Variants in PTPRD observed in about 807,000 individuals in gnomAD.
PTPRD encodes the protein protein tyrosine phosphatase receptor type D, also known as receptor-type tyrosine-protein phosphatase delta.
A neutral mutation model predicts 214.5 loss-of-function variants in PTPRD; 34 were observed. The ratio of observed to expected loss-of-function variants is 0.16; its 90% CI spans 0.12 to 0.21. The LOEUF (loss-of-function observed/expected upper bound fraction) is 0.21, where lower values mean the gene tolerates loss of function less well. Among genes scored for constraint, PTPRD ranks in the 10% least tolerant of loss-of-function variants. PTPRD has a pLI of 1.00. For synonymous variants in PTPRD, 1,128 were observed against 845.7 expected, an observed-to-expected ratio of 1.33 and a Z score of -5.79; for missense variants, 2,545 against 2,398.7, an observed-to-expected ratio of 1.06 and a Z score of -1.27.
At chr9:9,772,673 T>A (rs751047286) in intron 5 of PTPRD, among the ~76,000 whole-genome samples, 1 of 152,152 alleles carries the variant, frequency 6.6e-6, no homozygotes, top group African/African-American at 2.4e-5. Context: ...TCTGATGATA[T>A]CTGTCTATAT....
At chr9:9,911,867 A>G (rs963801389) in intron 5 of PTPRD, among the ~76,000 whole-genome samples, 2 of 152,122 alleles carry the variant, frequency 1.3e-5, no homozygotes, top group Admixed American at 6.6e-5. Context: ...GGAAAACTAA[A>G]TCTTCAAAAG....
intron 3 of PTPRD, among the ~76,000 whole-genome samples, chr9:10,166,888 A>G (rs1380809984): frequency 6.6e-6 from 1 of 152,112 alleles, no homozygotes; most frequent in Non-Finnish European, 1.5e-5. Flanking sequence ...TATATCTTGT[A>G]GGTATACAAT....
intron 10 of PTPRD, among the ~76,000 whole-genome samples, chr9:9,120,256 G>C (rs910824106): frequency 6.6e-6 from 1 of 152,206 alleles, no homozygotes; most frequent in Non-Finnish European, 1.5e-5. Context: ...TCATTTAAGT[G>C]CTTATTAATA....
rs945206137 is a variant in PTPRD at position 9,977,888 on chromosome 9, A to G, written c.-471-39278T>C. Among the ~76,000 whole-genome samples the G allele has an allele frequency of 9.5e-4, 145 of 151,928 alleles. 1 individual carries two copies. Among genetic ancestry groups the G allele is most frequent in the Non-Finnish European group, 1.9e-3 (128 of 67,920 alleles). ...GAAATGAATTAATATTTCTTCTGAC[A>G]TAATATGGCATTTGAAAAAATATAT... On this transcript the variant is annotated intron_variant, in intron 4 of 45. Coordinates refer to ENST00000381196, the MANE Select transcript of PTPRD (RefSeq NM_002839.4).
At chr9:9,421,545 G>T (rs1240059444) in intron 8 of PTPRD, among the ~76,000 whole-genome samples, 4 of 151,970 alleles carry the variant, frequency 2.6e-5, no homozygotes, top group Non-Finnish European at 4.4e-5. Flanking sequence ...CTTATTCTTT[G>T]TTCTGGGCAG....
Position 9,711,236 on chromosome 9 carries a change from G to T in PTPRD, c.-287+23297C>A, listed in dbSNP as rs189875255. 3.2e-3 allele frequency among the ~76,000 whole-genome samples: 485 copies of T among 152,262 alleles called. 2 individuals carry two copies. The highest frequency in any genetic ancestry group is 5.9e-3 in the Non-Finnish European group (400 of 68,012). ...GAATCTTTAAAAAATGCAGTGATGT[G>T]TTTGTGAGCAGAAATATGCCATAGG... is the stretch of plus-strand genomic sequence containing the variant. On this transcript the variant is annotated intron_variant, in intron 7 of 45. Transcript: ENST00000381196.
chr9:9,450,996 G>A (rs1343029932), intron 8 of PTPRD, among the ~76,000 whole-genome samples: 5 of 99,112 alleles, frequency 5.0e-5, no homozygotes, highest in Admixed American at 3.1e-4. Flanking sequence ...CAGACACACA[G>A]TCAAATAACT....
At chr9:10,043,773 A>G (rs291269) in intron 3 of PTPRD, among the ~76,000 whole-genome samples, 58,384 of 151,494 alleles carry the variant, frequency 0.39, 11,650 homozygotes, top group African/African-American at 0.49. Context: ...TCCCTTGATT[A>G]TTTCATGTAG....
chr9:8,773,662 T>A (rs374748403), intron 11 of PTPRD, among the ~76,000 whole-genome samples: 3 of 152,230 alleles, frequency 2.0e-5, no homozygotes, highest in East Asian at 3.8e-4. Flanking sequence ...TGAATTCCCA[T>A]CATTAAAATA....
chr9:9,084,135 A>G (rs911458584), intron 10 of PTPRD, among the ~76,000 whole-genome samples: 1 of 152,200 alleles, frequency 6.6e-6, no homozygotes, highest in African/African-American at 2.4e-5. Flanking sequence ...CACAATAGCA[A>G]AGACTTGGAA....
At chr9:10,394,905 T>C (rs2098137859) in intron 2 of PTPRD, among the ~76,000 whole-genome samples, 1 of 151,854 alleles carries the variant, frequency 6.6e-6, no homozygotes, top group East Asian at 2.0e-4. Flanking sequence ...GAATGTGGAT[T>C]TAATATGCAT....
At chr9:10,005,486 T>G (rs531207359) in intron 4 of PTPRD, among the ~76,000 whole-genome samples, 15 of 152,256 alleles carry the variant, frequency 9.9e-5, no homozygotes, top group South Asian at 2.1e-4. Context: ...TATTATTGTT[T>G]CTGTTTTTTC....
At chr9:10,203,540 T>C (rs1175336698) in intron 3 of PTPRD, among the ~76,000 whole-genome samples, 2 of 152,112 alleles carry the variant, frequency 1.3e-5, no homozygotes, top group African/African-American at 2.4e-5. Context: ...GTAATTCTGG[T>C]AATTTTGTGG....
chr9:8,731,921 T>C (rs1193368368), intron 12 of PTPRD, among the ~76,000 whole-genome samples: 1 of 152,186 alleles, frequency 6.6e-6, no homozygotes. Flanking sequence ...TTAGCTATAA[T>C]GGGAGGAGTG....
chr9:9,908,500 C>A (rs980532175), intron 5 of PTPRD, among the ~76,000 whole-genome samples: 2 of 151,988 alleles, frequency 1.3e-5, no homozygotes, highest in Non-Finnish European at 2.9e-5. Context: ...AGCATCCTTT[C>A]TGCTGGGAGT....
chr9:9,528,123 A>T (rs537805586), intron 8 of PTPRD, among the ~76,000 whole-genome samples: 1 of 152,220 alleles, frequency 6.6e-6, no homozygotes, highest in Non-Finnish European at 1.5e-5. Context: ...AGGAAACTAG[A>T]TTTTACAGGG....
intron 14 of PTPRD, among the ~76,000 whole-genome samples, chr9:8,532,059 G>A (rs56280254): frequency 3.3e-4 from 50 of 152,056 alleles, no homozygotes; most frequent in African/African-American, 9.4e-4. Flanking sequence ...TGTAAAGAGC[G>A]TTCCTTTCTT....
chr9:9,914,785 G>T (rs1388248868), intron 5 of PTPRD, among the ~76,000 whole-genome samples: 1 of 152,180 alleles, frequency 6.6e-6, no homozygotes, highest in Non-Finnish European at 1.5e-5. Flanking sequence ...TCTCAGGCCT[G>T]AGAAGTAGCC....
chr9:9,759,761 G>T (rs982449403), intron 6 of PTPRD, among the ~76,000 whole-genome samples: 1 of 151,840 alleles, frequency 6.6e-6, no homozygotes, highest in African/African-American at 2.4e-5. Context: ...GTTTCACCAT[G>T]TTGGCCAGGC....
Sources: allele counts gnomAD v4.1 joint callset (sites outside exome capture counted in the v4.1 genomes callset), GRCh38; gene constraint gnomAD v4.1.1; transcripts MANE v1.5; gene names NCBI Gene and HGNC (gene_info 2026-07-23, HGNC 2026-07-21).